The following CEP83 variants were observed in gnomAD, a reference collection of about 807,000 sequenced individuals.
The protein encoded by CEP83 is centrosomal protein of 83 kDa.
A neutral mutation model predicts 101.9 loss-of-function variants in CEP83; 70 were observed. That is an observed-to-expected ratio of 0.69 (90% CI 0.57 to 0.84). The LOEUF (loss-of-function observed/expected upper bound fraction) is 0.84. Ranked by LOEUF, CEP83 falls within the 40% of genes least tolerant of loss-of-function variation. The pLI is 0.00. For missense variants in CEP83, 715 were observed against 787.2 expected (o/e 0.91, Z 1.10); for synonymous variants, 264 against 267.9 (o/e 0.99, Z 0.14).
intron 2 of CEP83, chr12:94,423,792 C>T: frequency 4.3e-6 from 7 of 1,613,676 alleles, no homozygotes; most frequent in Non-Finnish European, 5.9e-6. Context: ...AGGGTGTGTC[C>T]ACTGCCACTT....
chr12:94,429,847 G>GGT lies in CEP83; in HGVS notation c.-102+5426_-102+5427dup, dbSNP rs1389229310. 5.3e-5 allele frequency among the ~76,000 whole-genome samples: 8 copies of GGT among 152,226 alleles called. No individual in the cohort carries two copies. In the East Asian group the frequency reaches 1.5e-3, roughly 29 times the overall value. Reference sequence around the variant, plus strand: ...CAGGACTGAAACACAAGCCAAGTATGGTCTGCCACCACCAGGGCTAAAATG... The same window carrying GGT: ...CAGGACTGAAACACAAGCCAAGTATGGTGTCTGCCACCACCAGGGCTAAAATG... On this transcript the variant is annotated intron_variant, in intron 2 of 16. Coordinates refer to ENST00000397809, the MANE Select transcript of CEP83 (RefSeq NM_016122.3).
intron 2 of CEP83, among the ~76,000 whole-genome samples, chr12:94,432,893 CA>C (rs1206051553): frequency 2.6e-5 from 4 of 151,954 alleles, no homozygotes; most frequent in Non-Finnish European, 5.9e-5. Flanking sequence ...AGAGGAACTT[CA>C]AAAAAATTAT....
chr12:94,302,862 C>G (rs527588581), downstream of CEP83, among the ~76,000 whole-genome samples: 53 of 152,224 alleles, frequency 3.5e-4, 1 homozygote, highest in South Asian at 0.01. Flanking sequence ...ACTCTCAATG[C>G]CTGCTCCAGT....
intron 14 of CEP83, among the ~76,000 whole-genome samples, chr12:94,314,411 C>G (rs1970343198): frequency 6.6e-6 from 1 of 152,198 alleles, no homozygotes; most frequent in African/African-American, 2.4e-5. Context: ...AACTAATTTA[C>G]TTCCAAAACT....
chr12:94,417,521 G>T (rs2064371923), intron 2 of CEP83, among the ~76,000 whole-genome samples: 1 of 152,144 alleles, frequency 6.6e-6, no homozygotes. Flanking sequence ...AGGCACAGTG[G>T]CTTACACCTG....
intron 8 of CEP83, among the ~76,000 whole-genome samples, chr12:94,373,442 T>C (rs751140855): frequency 2.8e-4 from 42 of 152,278 alleles, no homozygotes; most frequent in Admixed American, 4.6e-4. Flanking sequence ...GGAAATATAA[T>C]TGACAATATG....
At chr12:94,391,642 T>C (rs1375728256) in intron 6 of CEP83, among the ~76,000 whole-genome samples, 3 of 152,112 alleles carry the variant, frequency 2.0e-5, no homozygotes, top group Admixed American at 6.5e-5. Flanking sequence ...TAACCTTAAA[T>C]GTAAATGAGC....
At chr12:94,353,869 GT>G (rs1007066212) in intron 11 of CEP83, among the ~76,000 whole-genome samples, 1 of 145,112 alleles carries the variant, frequency 6.9e-6, no homozygotes, top group Non-Finnish European at 1.5e-5. Context: ...AAAAAAAAAA[GT>G]TTTTAAGCTG....
chr12:94,450,094 G>C (rs545457378), intron 1 of CEP83, among the ~76,000 whole-genome samples: 7 of 152,160 alleles, frequency 4.6e-5, no homozygotes, highest in Admixed American at 3.9e-4. Context: ...CCTAAGACTG[G>C]GAGTAATGCA....
chr12:94,394,736 G>C (rs796074124), intron 6 of CEP83, among the ~76,000 whole-genome samples: 17 of 152,054 alleles, frequency 1.1e-4, no homozygotes, highest in African/African-American at 3.6e-4. Flanking sequence ...TCTGACAAAG[G>C]GCTAATATCC....
chr12:94,454,095 C>CAA (rs200038665), intron 1 of CEP83, among the ~76,000 whole-genome samples: 18 of 100,406 alleles, frequency 1.8e-4, no homozygotes, highest in Middle Eastern at 6.1e-3. Context: ...GACTATGTCT[C>CAA]AAAAAAAAAA....
intron 6 of CEP83, among the ~76,000 whole-genome samples, chr12:94,380,957 T>A (rs2061817021): frequency 6.6e-6 from 1 of 152,204 alleles, no homozygotes; most frequent in Non-Finnish European, 1.5e-5. Context: ...TTAGATTCCA[T>A]GTTTATAACT....
rs1288775178 is a variant in CEP83, at chr12:94,437,128, A to G, written c.-154-1801T>C. On this transcript the variant is annotated intron_variant, in intron 1 of 16. Coordinates refer to ENST00000397809, the MANE Select transcript of CEP83 (RefSeq NM_016122.3). ...GGAGGCCAAGGCAGGAGGATCACTC[A>G]AGGTCAGGAGTTTGAGACCAGCCTG... 2.0e-5 allele frequency among the ~76,000 whole-genome samples: 3 copies of G among 151,910 alleles called. No individual in the cohort carries two copies. In the East Asian group the frequency reaches 5.8e-4, roughly 29 times the overall value.
intron 11 of CEP83, among the ~76,000 whole-genome samples, chr12:94,350,437 A>G (rs1249268097): frequency 1.3e-5 from 2 of 152,226 alleles, no homozygotes; most frequent in African/African-American, 4.8e-5. Flanking sequence ...ATACATACAT[A>G]TAAAAGAATG....
intron 15 of CEP83, among the ~76,000 whole-genome samples, chr12:94,310,668 A>G (rs1002918590): frequency 2.0e-5 from 3 of 152,160 alleles, no homozygotes; most frequent in African/African-American, 7.2e-5. Flanking sequence ...AAAAATCTGT[A>G]TATAAGTAGA....
intron 2 of CEP83, among the ~76,000 whole-genome samples, chr12:94,416,469 A>G (rs2064271793): frequency 6.6e-6 from 1 of 151,728 alleles, no homozygotes; most frequent in Non-Finnish European, 1.5e-5. Context: ...AAAAAAGCCT[A>G]CTCTCTAGCC....
In CEP83 at chr12:94,375,982, A is replaced by G. The variant is rs4761611; in HGVS notation, c.837T>C (p.Arg279=). The G allele has an allele frequency of 0.68, 1,057,878 of 1,554,982 alleles. 367,218 individuals carry two copies. The highest frequency in any genetic ancestry group is 0.98 in the East Asian group (42,303 of 43,104). The change falls in exon 8 of 17, where the codon CGT becomes CGC. Residue 279 remains arginine, a synonymous_variant. Coordinates refer to ENST00000397809, the MANE Select transcript of CEP83 (RefSeq NM_016122.3). ...EKQSANLRAE[R]LEKELQSSSE... ...TGCTTGATTGTAGCTCTTTTTCCAA[A>G]CGTTCTGCCCGTAAATTAGCTGATT...
At chr12:94,345,420 T>C (rs2059888740) in intron 11 of CEP83, among the ~76,000 whole-genome samples, 1 of 152,214 alleles carries the variant, frequency 6.6e-6, no homozygotes, top group Non-Finnish European at 1.5e-5. Context: ...CCTTTGTTTA[T>C]GGCTCGGGAG....
intron 6 of CEP83, among the ~76,000 whole-genome samples, chr12:94,383,737 A>T (rs1033617555): frequency 2.0e-5 from 3 of 151,828 alleles, no homozygotes; most frequent in African/African-American, 7.3e-5. Context: ...TCAGGATTCC[A>T]TTTTATCTAT....
Sources: gnomAD v4.1 joint callset for allele counts (sites outside exome capture counted in the v4.1 genomes callset) on GRCh38, gnomAD v4.1.1 for gene constraint, MANE v1.5 for transcripts, NCBI Gene and HGNC (gene_info 2026-07-23, HGNC 2026-07-21) for gene names.